GGA2: variants seen among roughly 807,000 people sequenced by gnomAD.
GGA2 encodes the protein ADP-ribosylation factor-binding protein GGA2.
GGA2 carries 48 observed loss-of-function variants against 79.5 expected under a neutral mutation model. The observed-to-expected ratio is 0.60, with a 90% CI of 0.48 to 0.77. The LOEUF (loss-of-function observed/expected upper bound fraction) is 0.77, where lower values mean the gene tolerates loss of function less well. GGA2 is among the 30% of genes least tolerant of loss of function. The pLI is 0.00. For synonymous variants in GGA2, 317 were observed against 302.0 expected (o/e 1.05, Z -0.51); for missense variants, 770 against 774.0 (o/e 0.99, Z 0.06).
chr16:23,513,805 G>GGA (rs1555501628), upstream of GGA2, among the ~76,000 whole-genome samples: 4 of 141,990 alleles, frequency 2.8e-5, no homozygotes, highest in African/African-American at 1.1e-4. Flanking sequence ...AAAAAAGAAA[G>GGA]AAAAAAAGAA....
At chr16:23,510,795 C>T (rs962192297), upstream of GGA2, among the ~76,000 whole-genome samples, 3 of 152,254 alleles carry the variant, frequency 2.0e-5, no homozygotes, top group African/African-American at 4.8e-5. Context: ...CAGCCTCCAC[C>T]TCCTAGGCTC....
intron 6 of GGA2, 83 bp from the exon 7 acceptor site, chr16:23,486,873 C>A (rs1327079625): frequency 3.6e-6 from 3 of 822,258 alleles, no homozygotes; most frequent in Middle Eastern, 2.2e-4. Flanking sequence ...GAAGAGTTAA[C>A]ACTAACAACA....
chr16:23,508,463 A>G (rs944683219), intron 1 of GGA2, among the ~76,000 whole-genome samples: 1 of 152,176 alleles, frequency 6.6e-6, no homozygotes, highest in African/African-American at 2.4e-5. Flanking sequence ...CTCATTAAAT[A>G]ACTGGTTGGT....
intron 1 of GGA2, among the ~76,000 whole-genome samples, chr16:23,503,241 C>T (rs562055031): frequency 7.9e-5 from 12 of 152,182 alleles, no homozygotes; most frequent in African/African-American, 2.6e-4. Flanking sequence ...GCCCTTTATA[C>T]GTAATTGAAT....
At chr16:23,492,119 C>G (rs1323139807) in intron 4 of GGA2, among the ~76,000 whole-genome samples, 1 of 152,210 alleles carries the variant, frequency 6.6e-6, no homozygotes, top group Admixed American at 6.5e-5. Flanking sequence ...GTTTCCGTTC[C>G]TGGCACAGAA....
rs2142133702 is a variant in GGA2 at position 23,494,070 on chromosome 16, C to T, written c.252+233G>A. On this transcript the variant is annotated intron_variant, in intron 3 of 16. Transcript: ENST00000309859. ...GAAGGGCAAATGAAATAAAACCTTC[C>T]TTTCCTTCTCCCACAGTAGACTCAA... The T allele has an allele frequency of 5.4e-6, 3 of 553,282 alleles. No homozygotes were observed. In the South Asian group the frequency reaches 7.1e-5, roughly 13 times the overall value. 34.3% of individuals were successfully genotyped at this position (553,282 alleles called of 1,614,324 possible). A position where few individuals can be genotyped will look rare whatever the true frequency, so the allele number is the denominator to read the frequency against.
At chr16:23,516,979 C>A (rs2142152063) in intron 2 of GGA2, among the ~76,000 whole-genome samples, 1 of 152,010 alleles carries the variant, frequency 6.6e-6, no homozygotes, top group South Asian at 2.1e-4. Context: ...GAGAGAAGGA[C>A]CCTGGGTCCT....
In GGA2 at chr16:23,495,715, T is replaced by A. The variant is rs746425761; in HGVS notation, c.155A>T (p.Gln52Leu). The change falls in exon 2 of 17, where the codon CAG (glutamine) becomes CTG (leucine). Residue 52 changes from glutamine (Q) to leucine (L), a missense_variant. By Grantham distance (113) the Gln-to-Leu change is moderately radical. Transcript: ENST00000309859. ...DWSAIQNFCE[Q>L]VNTDPNGPTH... is the part of the protein sequence containing the mutation. ...TTACCCATTGGGGTCAGTGTTCACC[T>A]GCTCACAGAAATTCTGGATAGCTGA... The A allele has an allele frequency of 5.0e-6, 8 of 1,609,800 alleles. No homozygotes were observed. The Admixed American group carries it at 8.3e-5, about 17-fold the overall frequency.
At chr16:23,480,005 C>T (rs565537553) in intron 10 of GGA2, 118 bp from the exon 11 acceptor site, 215 of 887,854 alleles carry the variant, frequency 2.4e-4, no homozygotes, top group Non-Finnish European at 3.5e-4. Flanking sequence ...CCTCCCTGCC[C>T]TTCCAAGAAC....
In GGA2 at chr16:23,507,845, G is replaced by T. The variant is rs533654637; in HGVS notation, c.91+2476C>A. On this transcript the variant is annotated intron_variant, in intron 1 of 16. Coordinates refer to ENST00000309859, the MANE Select transcript of GGA2 (RefSeq NM_015044.4). Reference sequence around the variant, plus strand: ...ATAAAAATACATTTAAAAAAAGCTAGAACTGGGGAGGCTGATGTGGGAAAA... The same window carrying T: ...ATAAAAATACATTTAAAAAAAGCTATAACTGGGGAGGCTGATGTGGGAAAA... Among the ~76,000 whole-genome samples, 27 of 151,788 alleles carry T rather than the reference G, an allele frequency of 1.8e-4. 1 individual carries two copies. Among genetic ancestry groups the T allele is most frequent in the African/African-American group, 5.8e-4 (24 of 41,394 alleles).
chr16:23,478,261 C>A, intron 13 of GGA2, 107 bp downstream of exon 13: 1 of 712,548 alleles, frequency 1.4e-6, no homozygotes. Context: ...AGATGTTTCT[C>A]CAGGGCGAGA....
At chr16:23,510,276 A>C (rs995958547) in intron 1 of GGA2, 45 bp downstream of exon 1, 6 of 1,278,124 alleles carry the variant, frequency 4.7e-6, no homozygotes, top group Non-Finnish European at 5.2e-6. Flanking sequence ...GCGAGGCCTC[A>C]CGTGCGGCGC....
intron 5 of GGA2, among the ~76,000 whole-genome samples, chr16:23,490,739 GAAAAAAAAA>G (rs1199570785): frequency 1.1e-5 from 1 of 89,408 alleles, no homozygotes; most frequent in Non-Finnish European, 2.4e-5. Flanking sequence ...TGTCTCAAAA[GAAAAAAAAA>G]AAAAAGAAGT....
intron 1 of GGA2, among the ~76,000 whole-genome samples, chr16:23,499,316 T>C (rs1269643567): frequency 6.6e-6 from 1 of 152,092 alleles, no homozygotes; most frequent in Non-Finnish European, 1.5e-5. Context: ...GGCTAATTTT[T>C]TGTATTTTCA....
Position 23,493,466 on chromosome 16 carries a change from G to A in GGA2, c.253-8C>T. 1.3e-6 allele frequency: 2 copies of A among 1,566,296 alleles called. No individual in the cohort carries two copies. The highest frequency in any genetic ancestry group is 1.1e-5 in the South Asian group (1 of 90,116). On this transcript the variant is annotated splice_polypyrimidine_tract_variant and splice_region_variant and intron_variant, in intron 3 of 16. Coordinates refer to ENST00000309859, the MANE Select transcript of GGA2 (RefSeq NM_015044.4). The stretch of plus-strand genomic sequence containing the variant: ...CATGCACATCTCCAGCACCTGCACA[G>A]ACACAGGACCCCCAGGAGAAGGTGG...
chr16:23,480,799 C>T, intron 9 of GGA2, 29 bp from the exon 10 acceptor site: 1 of 1,591,562 alleles, frequency 6.3e-7, no homozygotes, highest in South Asian at 1.1e-5. Flanking sequence ...CTCAGAACCC[C>T]CTGGTTTGGC....
At chr16:23,515,169 T>C (rs1965096292), upstream of GGA2, among the ~76,000 whole-genome samples, 1 of 151,448 alleles carries the variant, frequency 6.6e-6, no homozygotes, top group South Asian at 2.1e-4. Flanking sequence ...TATATAAATA[T>C]GTATCAGCTG....
At chr16:23,500,513 A>C (rs1964909245) in intron 1 of GGA2, among the ~76,000 whole-genome samples, 1 of 152,208 alleles carries the variant, frequency 6.6e-6, no homozygotes, top group Non-Finnish European at 1.5e-5. Context: ...GCCCAATGCC[A>C]GCCCCAAGCG....
rs1340573969 is a variant in GGA2, at chr16:23,486,765, T to C, written c.605A>G (p.Asn202Ser). The C allele has an allele frequency of 3.7e-6, 6 of 1,611,908 alleles. No individual in the cohort carries two copies. Among genetic ancestry groups the C allele is most frequent in the Non-Finnish European group, 5.1e-6 (6 of 1,178,000 alleles). ...TGCAGCCTGAAGGTCCTCGGGGTGG[T>C]TGCTCTTTAGAAGCCTTGTCAGAAG... ...SKLLTRLLKS[N>S]HPEDLQAANR... Residue 202 changes from asparagine to serine, a missense_variant, in exon 7 of 17, where the codon AAC becomes AGC. Physicochemically the swap from Asn to Ser is conservative, Grantham distance 46. Transcript: ENST00000309859.
Sources: allele counts gnomAD v4.1 joint callset (sites outside exome capture counted in the v4.1 genomes callset), GRCh38; gene constraint gnomAD v4.1.1; transcripts MANE v1.5; gene names NCBI Gene and HGNC (gene_info 2026-07-23, HGNC 2026-07-21).